Variants in CACNA2D3 observed in about 807,000 individuals in gnomAD.
CACNA2D3 encodes voltage-dependent calcium channel subunit alpha-2/delta-3.
CACNA2D3 carries 60 observed loss-of-function variants against 160.6 expected under a neutral mutation model. That is an observed-to-expected ratio of 0.37 (90% CI 0.30 to 0.46). CACNA2D3 has a LOEUF of 0.46. Among genes scored for constraint, CACNA2D3 ranks in the 20% least tolerant of loss-of-function variants. The pLI is 1.00. For synonymous variants in CACNA2D3, 558 were observed against 492.9 expected (o/e 1.13, Z -1.75); for missense variants, 1,205 against 1,365.0 (o/e 0.88, Z 1.85).
intron 4 of CACNA2D3, among the ~76,000 whole-genome samples, chr3:54,452,922 C>T (rs373694322): frequency 3.3e-5 from 5 of 152,070 alleles, no homozygotes; most frequent in Admixed American, 6.6e-5. Context: ...CATCTTCCCT[C>T]GGTGTTCGTC....
In CACNA2D3 at chr3:54,154,960, A is replaced by G. The variant is rs972061927; in HGVS notation, c.204+31366A>G. Among the ~76,000 whole-genome samples, 20 of 152,248 alleles carry G rather than the reference A, an allele frequency of 1.3e-4. 1 individual carries two copies. Among genetic ancestry groups the G allele is most frequent in the Non-Finnish European group, 1.9e-4 (13 of 68,038 alleles). Reference sequence around the variant, plus strand: ...ACTTACTTAAAAAAATTTCAATAAAATTATTTAAATGAAAACCTTGAATCA... The same window carrying G: ...ACTTACTTAAAAAAATTTCAATAAAGTTATTTAAATGAAAACCTTGAATCA... On this transcript the variant is annotated intron_variant, in intron 2 of 37. Coordinates refer to ENST00000474759, the MANE Select transcript of CACNA2D3 (RefSeq NM_018398.3).
At chr3:54,861,796 C>G (rs908798449) in intron 17 of CACNA2D3, among the ~76,000 whole-genome samples, 3 of 152,242 alleles carry the variant, frequency 2.0e-5, no homozygotes, top group African/African-American at 7.2e-5. Context: ...ACGCCACTTT[C>G]TCTGATTATA....
intron 4 of CACNA2D3, among the ~76,000 whole-genome samples, chr3:54,424,425 T>C (rs1203644753): frequency 6.6e-6 from 1 of 152,226 alleles, no homozygotes; most frequent in Non-Finnish European, 1.5e-5. Flanking sequence ...CAGAATCTGT[T>C]GGTGTTTTTG....
At chr3:54,397,464 A>T in intron 4 of CACNA2D3, among the ~76,000 whole-genome samples, 1 of 98,840 alleles carries the variant, frequency 1.0e-5, no homozygotes. Context: ...AGTGCTATAA[A>T]TTTCCCTCTA....
At chr3:54,765,032 G>T (rs1702193833) in intron 13 of CACNA2D3, among the ~76,000 whole-genome samples, 2 of 122,356 alleles carry the variant, frequency 1.6e-5, no homozygotes, top group Non-Finnish European at 3.9e-5. Context: ...GATGGGAGTG[G>T]TGTTTTTCAT....
At chr3:54,585,958 T>G in intron 9 of CACNA2D3, among the ~76,000 whole-genome samples, 1 of 152,132 alleles carries the variant, frequency 6.6e-6, no homozygotes, top group Non-Finnish European at 1.5e-5. Context: ...TATGACCATA[T>G]GCTGACTATA....
chr3:54,606,964 C>A (rs1698640793), intron 9 of CACNA2D3, among the ~76,000 whole-genome samples: 1 of 152,184 alleles, frequency 6.6e-6, no homozygotes. Context: ...CACTTCAGAT[C>A]CTCTTCACTA....
chr3:54,503,469 T>C (rs1701324077), intron 4 of CACNA2D3, 23 bp from the exon 5 acceptor site: 1 of 1,612,210 alleles, frequency 6.2e-7, no homozygotes, highest in African/African-American at 1.3e-5. Context: ...CCACATGTAA[T>C]GTTTTTTGAC....
intron 5 of CACNA2D3, among the ~76,000 whole-genome samples, chr3:54,521,292 G>A (rs1341895476): frequency 6.6e-6 from 1 of 152,182 alleles, no homozygotes; most frequent in African/African-American, 2.4e-5. Context: ...TTTCTGTGAT[G>A]ACTAATGATT....
chr3:54,535,343 A>G (rs1191906759), intron 5 of CACNA2D3, among the ~76,000 whole-genome samples: 2 of 152,252 alleles, frequency 1.3e-5, no homozygotes, highest in East Asian at 3.8e-4. Context: ...CAAATAAAGT[A>G]AGTTCTAAGA....
At chr3:54,143,319 T>C (rs752930794) in intron 2 of CACNA2D3, among the ~76,000 whole-genome samples, 5 of 152,190 alleles carry the variant, frequency 3.3e-5, no homozygotes, top group Non-Finnish European at 5.9e-5. Context: ...CTTGTGTTCA[T>C]GTATAAATGC....
chr3:54,797,045 T>C (rs1702879373), intron 13 of CACNA2D3, among the ~76,000 whole-genome samples: 2 of 152,172 alleles, frequency 1.3e-5, no homozygotes, highest in South Asian at 4.1e-4. Flanking sequence ...TGGGATTCTT[T>C]AAGATCATCT....
intron 13 of CACNA2D3, among the ~76,000 whole-genome samples, chr3:54,815,551 T>TA (rs1703430386): frequency 6.6e-6 from 1 of 152,236 alleles, no homozygotes; most frequent in Non-Finnish European, 1.5e-5. Flanking sequence ...CTAGCACTTC[T>TA]GATGTCATAA....
chr3:54,999,261 A>AC (rs1702927610), intron 31 of CACNA2D3, among the ~76,000 whole-genome samples: 1 of 152,144 alleles, frequency 6.6e-6, no homozygotes, highest in South Asian at 2.1e-4. Flanking sequence ...ACTCCTATCA[A>AC]CAGGTTGAGC....
At chr3:54,790,472 GT>G (rs1702731209) in intron 13 of CACNA2D3, among the ~76,000 whole-genome samples, 1 of 152,206 alleles carries the variant, frequency 6.6e-6, no homozygotes, top group Non-Finnish European at 1.5e-5. Context: ...CACAATGGGG[GT>G]AAGGGTATAT....
chr3:54,287,262 G>A (rs1489894437), intron 2 of CACNA2D3, among the ~76,000 whole-genome samples: 1 of 152,034 alleles, frequency 6.6e-6, no homozygotes, highest in Non-Finnish European at 1.5e-5. Flanking sequence ...AACAAAAAAA[G>A]GCAGGGGTTG....
At chr3:54,557,370 A>G (rs193055277) in intron 5 of CACNA2D3, among the ~76,000 whole-genome samples, 187 of 152,310 alleles carry the variant, frequency 1.2e-3, no homozygotes, top group African/African-American at 4.5e-3. Context: ...TGTATTTCTG[A>G]AGATGTTCAC....
intron 14 of CACNA2D3, among the ~76,000 whole-genome samples, chr3:54,831,860 A>T (rs1260180773): frequency 2.0e-5 from 3 of 152,154 alleles, no homozygotes; most frequent in African/African-American, 7.2e-5. Context: ...CATTGAAGCT[A>T]AAAGAGAAAA....
chr3:54,410,317 G>T (rs1699645449), intron 4 of CACNA2D3, among the ~76,000 whole-genome samples: 3 of 152,018 alleles, frequency 2.0e-5, no homozygotes, highest in African/African-American at 7.2e-5. Context: ...TTGCGCCACT[G>T]CTCTCCAGCC....
Sources: gnomAD v4.1 joint callset for allele counts (sites outside exome capture counted in the v4.1 genomes callset) on GRCh38, gnomAD v4.1.1 for gene constraint, MANE v1.5 for transcripts, NCBI Gene and HGNC (gene_info 2026-07-23, HGNC 2026-07-21) for gene names.